Variants in FAT3 observed in about 807,000 individuals in gnomAD.
FAT3 encodes the protein FAT atypical cadherin 3, also known as protocadherin Fat 3.
In FAT3, 95 loss-of-function variants were observed where a neutral mutation model predicts 310.2. The observed-to-expected ratio is 0.31, with a 90% CI of 0.26 to 0.36. The LOEUF (loss-of-function observed/expected upper bound fraction) is 0.36, where lower values mean the gene tolerates loss of function less well. Among genes scored for constraint, FAT3 ranks in the 10% least tolerant of loss-of-function variants. The probability of loss-of-function intolerance (pLI) is 1.00; values close to 1 mark genes in which losing one functional copy is unlikely to be tolerated. For synonymous variants in FAT3, 2,314 were observed against 2,192.9 expected, an observed-to-expected ratio of 1.06 and a Z score of -1.54; for missense variants, 5,408 against 5,715.6, an observed-to-expected ratio of 0.95 and a Z score of 1.74.
chr11:92,773,977 T>C (rs866090879), intron 6 of FAT3, 64 bp from the exon 7 acceptor site: 8 of 1,575,020 alleles, frequency 5.1e-6, no homozygotes, highest in Middle Eastern at 3.4e-4. Flanking sequence ...TTTAAAGATA[T>C]ATGATATAAT....
At chr11:92,853,873 A>G (rs1379515701) in intron 19 of FAT3, among the ~76,000 whole-genome samples, 1 of 152,162 alleles carries the variant, frequency 6.6e-6, no homozygotes, top group African/African-American at 2.4e-5. Context: ...TTCTCACTCC[A>G]GTCTGTGGAA....
chr11:92,495,540 C>T lies in FAT3; in HGVS notation c.3293-29094C>T, dbSNP rs117524054. ...AGTTTGCTGGTGTGGAGGAGAGAAG[C>T]AGAAAGCAACCATTGATCAGCTTTG... On this transcript the variant is annotated intron_variant, in intron 2 of 27. Coordinates refer to ENST00000525166, the MANE Select transcript of FAT3 (RefSeq NM_001367949.2). Among the ~76,000 whole-genome samples, 671 of 152,150 alleles carry T rather than the reference C, an allele frequency of 4.4e-3. 3 individuals carry two copies. Among genetic ancestry groups the T allele is most frequent in the Middle Eastern group, 0.014 (4 of 294 alleles).
intron 2 of FAT3, among the ~76,000 whole-genome samples, chr11:92,514,923 C>G (rs1231443445): frequency 6.6e-6 from 1 of 152,142 alleles, no homozygotes; most frequent in African/African-American, 2.4e-5. Context: ...TTAGCTAAAA[C>G]TGCCCAGTAA....
chr11:92,515,687 A>G (rs925228243), intron 2 of FAT3, among the ~76,000 whole-genome samples: 2 of 152,102 alleles, frequency 1.3e-5, no homozygotes, highest in African/African-American at 4.8e-5. Context: ...GGGGATAAAT[A>G]CAGTAACTGC....
At chr11:92,759,407 A>G (rs1335070279) in intron 4 of FAT3, among the ~76,000 whole-genome samples, 2 of 152,214 alleles carry the variant, frequency 1.3e-5, no homozygotes, top group Non-Finnish European at 2.9e-5. Flanking sequence ...TAAGTGCTAC[A>G]AAAGAAAAGC....
chr11:92,299,477 G>T (rs1946935113), intron 1 of FAT3, among the ~76,000 whole-genome samples: 1 of 152,098 alleles, frequency 6.6e-6, no homozygotes, highest in Non-Finnish European at 1.5e-5. Context: ...GCTGCTTTAT[G>T]CTTCTAATGT....
At chr11:92,858,818 G>A (rs1949048486) in intron 20 of FAT3, among the ~76,000 whole-genome samples, 1 of 152,166 alleles carries the variant, frequency 6.6e-6, no homozygotes, top group Non-Finnish European at 1.5e-5. Flanking sequence ...GTTGGGGGAG[G>A]AATGAAGGGG....
chr11:92,840,873 C>T (rs147826956), intron 18 of FAT3, 114 bp downstream of exon 18: 38 of 973,010 alleles, frequency 3.9e-5, no homozygotes, highest in East Asian at 1.0e-4. Flanking sequence ...CATTACCATG[C>T]GGGAATGTTC....
intron 23 of FAT3, 84 bp downstream of exon 23, chr11:92,880,968 A>G: frequency 1.4e-6 from 2 of 1,422,432 alleles, no homozygotes; most frequent in Non-Finnish European, 1.9e-6. Context: ...AGGGTAAAAT[A>G]TTTACCACTA....
intron 2 of FAT3, among the ~76,000 whole-genome samples, chr11:92,469,371 T>C (rs1951852317): frequency 6.6e-6 from 1 of 152,202 alleles, no homozygotes; most frequent in South Asian, 2.1e-4. Context: ...GCCATCTGTC[T>C]CTTCTTGGCA....
chr11:92,335,239 C>T (rs185412814), intron 1 of FAT3, among the ~76,000 whole-genome samples: 18 of 151,538 alleles, frequency 1.2e-4, no homozygotes, highest in Non-Finnish European at 4.4e-5. Flanking sequence ...GAAAAATAAT[C>T]CCCACCTATC....
chr11:92,289,308 C>T (rs548352838), intron 1 of FAT3, among the ~76,000 whole-genome samples: 1 of 151,998 alleles, frequency 6.6e-6, no homozygotes, highest in Non-Finnish European at 1.5e-5. Flanking sequence ...TACACTTATG[C>T]TCCAGAGCCT....
chr11:92,363,319 G>GA (rs1398998460), intron 2 of FAT3, among the ~76,000 whole-genome samples: 11 of 152,104 alleles, frequency 7.2e-5, no homozygotes, highest in South Asian at 2.1e-4. Flanking sequence ...TGTATTGTTT[G>GA]AAAAAATGAG....
chr11:92,789,130 G>T (rs1946973651), intron 7 of FAT3, among the ~76,000 whole-genome samples: 1 of 152,096 alleles, frequency 6.6e-6, no homozygotes, highest in South Asian at 2.1e-4. Flanking sequence ...GTGCAGCAAT[G>T]GTATTGTGTG....
intron 4 of FAT3, among the ~76,000 whole-genome samples, chr11:92,749,665 C>T (rs1043891815): frequency 6.6e-6 from 1 of 152,128 alleles, no homozygotes; most frequent in African/African-American, 2.4e-5. Context: ...CGATGGGTAC[C>T]TTCGTACATT....
rs908515436 is a variant in FAT3, at chr11:92,799,113, G to T, written c.6100G>T (p.Val2034Phe). 2 of 1,613,958 alleles carry T rather than the reference G, an allele frequency of 1.2e-6. No homozygotes were observed. Among genetic ancestry groups the T allele is most frequent in the Non-Finnish European group, 1.7e-6 (2 of 1,179,874 alleles). ...GTTCAAGATAAAATCTACCTCAGGGGTCATTCAGACGACTGGAGTCCCCTT... is the reference window on the plus strand; with the variant it reads ...GTTCAAGATAAAATCTACCTCAGGGTTCATTCAGACGACTGGAGTCCCCTT... Reference protein sequence around the residue: ...NKFKIKSTSGVIQTTGVPFDR... With the variant: ...NKFKIKSTSGFIQTTGVPFDR... The change falls in exon 10 of 28, where the codon GTC (valine) becomes TTC (phenylalanine). Residue 2034 changes from valine to phenylalanine, a missense_variant. Physicochemically the swap from Val to Phe is conservative, Grantham distance 50. Around this residue, in one of 5 missense-constraint regions of FAT3, gnomAD observed 4,588 missense variants for 4,809.8 expected, o/e 0.95. Coordinates refer to ENST00000525166, the MANE Select transcript of FAT3 (RefSeq NM_001367949.2).
chr11:92,702,877 AAAG>A (rs1420816466), intron 4 of FAT3, among the ~76,000 whole-genome samples: 1 of 152,228 alleles, frequency 6.6e-6, no homozygotes, highest in East Asian at 1.9e-4. Flanking sequence ...AAAAAATTAA[AAAG>A]AAGATGACAA....
At chr11:92,535,769 C>G (rs1333067703) in intron 3 of FAT3, among the ~76,000 whole-genome samples, 1 of 152,104 alleles carries the variant, frequency 6.6e-6, no homozygotes, top group Non-Finnish European at 1.5e-5. Flanking sequence ...TTACTATAGT[C>G]ATTTCAAGAC....
chr11:92,869,870 GAC>G (rs1949342889), intron 22 of FAT3, among the ~76,000 whole-genome samples: 1 of 152,150 alleles, frequency 6.6e-6, no homozygotes, highest in African/African-American at 2.4e-5. Flanking sequence ...CACAGGAAGA[GAC>G]AGTGTTGTGC....
Sources: allele counts gnomAD v4.1 joint callset (sites outside exome capture counted in the v4.1 genomes callset), GRCh38; gene constraint gnomAD v4.1.1; regional missense constraint gnomAD v4.1.1; transcripts MANE v1.5; gene names NCBI Gene and HGNC (gene_info 2026-07-23, HGNC 2026-07-21).